Variants in TMEM181 observed in about 807,000 individuals in gnomAD.
The protein encoded by TMEM181 is G protein-coupled receptor 178.
In TMEM181, 39 loss-of-function variants were observed where a neutral mutation model predicts 71.9. That is an observed-to-expected ratio of 0.54 (90% CI 0.42 to 0.71). The LOEUF (loss-of-function observed/expected upper bound fraction) is 0.71. TMEM181 is among the 30% of genes least tolerant of loss of function. The pLI, the probability that TMEM181 is intolerant of heterozygous loss-of-function variation, is 0.00. For synonymous variants in TMEM181, 245 were observed against 228.8 expected (o/e 1.07, Z -0.64); for missense variants, 595 against 583.0 (o/e 1.02, Z -0.21).
At chr6:158,611,375 T>G (rs1436647875) in intron 10 of TMEM181, 4 of 532,982 alleles carry the variant, frequency 7.5e-6, no homozygotes, top group South Asian at 2.8e-5. Context: ...GGCATTGATT[T>G]CCCTGGATGC....
At chr6:158,577,928 T>C (rs896583953) in intron 2 of TMEM181, among the ~76,000 whole-genome samples, 2 of 152,070 alleles carry the variant, frequency 1.3e-5, no homozygotes, top group African/African-American at 4.8e-5. Flanking sequence ...CCATTTCTAC[T>C]AAAAATACAA....
At chr6:158,548,658 G>A (rs1290439122) in intron 1 of TMEM181, among the ~76,000 whole-genome samples, 1 of 152,162 alleles carries the variant, frequency 6.6e-6, no homozygotes, top group Admixed American at 6.5e-5. Context: ...GGAAATGGGT[G>A]TCTTATTGTG....
intron 10 of TMEM181, chr6:158,611,653 G>T: frequency 3.3e-6 from 1 of 300,234 alleles, no homozygotes; most frequent in South Asian, 3.1e-5. Flanking sequence ...TGAGTGCTCT[G>T]AATCAGGCAG....
chr6:158,576,781 G>A (rs546685613), intron 2 of TMEM181, among the ~76,000 whole-genome samples: 3 of 152,098 alleles, frequency 2.0e-5, no homozygotes, highest in East Asian at 3.9e-4. Flanking sequence ...GTCACAAGGC[G>A]GCCGGGCGTG....
chr6:158,568,892 G>A (rs1782656509), intron 1 of TMEM181, among the ~76,000 whole-genome samples: 2 of 152,328 alleles, frequency 1.3e-5, no homozygotes, highest in East Asian at 1.9e-4. Context: ...TTGCCCATGA[G>A]CAACAGTTTT....
chr6:158,574,685 C>CTTA (rs1439594843), intron 2 of TMEM181, among the ~76,000 whole-genome samples: 1 of 152,212 alleles, frequency 6.6e-6, no homozygotes, highest in Non-Finnish European at 1.5e-5. Flanking sequence ...ATACAGTACT[C>CTTA]TATTAGTCAG....
At chr6:158,548,131 G>A (rs1781596578) in intron 1 of TMEM181, among the ~76,000 whole-genome samples, 1 of 152,060 alleles carries the variant, frequency 6.6e-6, no homozygotes, top group African/African-American at 2.4e-5. Context: ...TTGGCCAAGG[G>A]TGACAGTGAC....
intron 4 of TMEM181, among the ~76,000 whole-genome samples, chr6:158,584,281 A>T (rs12215824): frequency 2.0e-5 from 3 of 152,032 alleles, no homozygotes; most frequent in African/African-American, 4.8e-5. Flanking sequence ...CAGTGGCTGC[A>T]TGGTGTCGGC....
In TMEM181 at chr6:158,623,596, G is replaced by C. The variant is rs188259608; in HGVS notation, c.943G>C (p.Gly315Arg). The C allele has an allele frequency of 1.3e-6, 2 of 1,579,790 alleles. No individual in the cohort carries two copies. The highest frequency in any genetic ancestry group is 1.7e-6 in the Non-Finnish European group (2 of 1,159,920). The change falls in exon 11 of 17, where the codon GGA (glycine) becomes CGA (arginine). Residue 315 changes from glycine (G) to arginine (R), a missense_variant. Physicochemically the swap from Gly to Arg is moderately radical, Grantham distance 125 (BLOSUM62 -2). Transcript: ENST00000684151. ...AATGTACCAGTATCGAGTTGATACC[G>C]GAAATTTTCAGGTAAGGATTGTTAA... Reference protein sequence around the residue: ...DPMYQYRVDTGNFQGMKVFFM... With the variant: ...DPMYQYRVDTRNFQGMKVFFM...
chr6:158,544,232 A>G (rs1013273483), intron 1 of TMEM181, among the ~76,000 whole-genome samples: 1 of 125,820 alleles, frequency 7.9e-6, no homozygotes, highest in Non-Finnish European at 1.7e-5. Flanking sequence ...GGTGAGGGAG[A>G]GTATGCAATG....
chr6:158,623,686 G>C, intron 11 of TMEM181, 79 bp downstream of exon 11: 1 of 1,057,740 alleles, frequency 9.5e-7, no homozygotes, highest in East Asian at 2.5e-5. Flanking sequence ...GACTTAAATT[G>C]TTCTGTTGAG....
chr6:158,588,947 G>T (rs1783940016), intron 5 of TMEM181, among the ~76,000 whole-genome samples: 4 of 152,214 alleles, frequency 2.6e-5, no homozygotes, highest in Admixed American at 2.6e-4. Context: ...TGCTGGGGAG[G>T]AGTGGCTGGC....
intron 1 of TMEM181, among the ~76,000 whole-genome samples, chr6:158,551,569 T>C (rs1452796104): frequency 1.3e-5 from 2 of 152,178 alleles, no homozygotes; most frequent in Non-Finnish European, 1.5e-5. Context: ...GAAATGTAGT[T>C]ATTTCTATTA....
At chr6:158,604,931 T>A (rs1784861298) in intron 6 of TMEM181, among the ~76,000 whole-genome samples, 1 of 152,134 alleles carries the variant, frequency 6.6e-6, no homozygotes. Flanking sequence ...GTACTAAATG[T>A]TAAAATTTTG....
At chr6:158,564,391 T>A (rs570737085) in intron 1 of TMEM181, among the ~76,000 whole-genome samples, 1 of 152,252 alleles carries the variant, frequency 6.6e-6, no homozygotes, top group Non-Finnish European at 1.5e-5. Context: ...ACCTGTGAAA[T>A]GGGCCGATGT....
At chr6:158,600,314 C>T (rs1784598385) in intron 6 of TMEM181, among the ~76,000 whole-genome samples, 1 of 151,852 alleles carries the variant, frequency 6.6e-6, no homozygotes, top group Admixed American at 6.6e-5. Context: ...ACATGCGCCA[C>T]CACGTCTCTG....
In TMEM181 at chr6:158,585,431, T is replaced by C; in HGVS notation, c.381+6T>C. The C allele has an allele frequency of 6.3e-7, 1 of 1,578,564 alleles. No homozygotes were observed. Among genetic ancestry groups the C allele is most frequent in the Non-Finnish European group, 8.6e-7 (1 of 1,165,796 alleles). The stretch of plus-strand genomic sequence containing the variant: ...GGACCCTCACATGTGCAGGGGTGAG[T>C]GTGTGGGGTGAGCCCCACAGTCAGT... On this transcript the variant is annotated splice_donor_region_variant and intron_variant, in intron 5 of 16. Transcript: ENST00000684151.
At chr6:158,547,088 C>A (rs982044596) in intron 1 of TMEM181, among the ~76,000 whole-genome samples, 27 of 152,208 alleles carry the variant, frequency 1.8e-4, no homozygotes, top group South Asian at 2.1e-4. Flanking sequence ...TCAAGACCAG[C>A]CTGGCCAACA....
Position 158,569,863 on chromosome 6 carries a change from G to T in TMEM181, c.9-3557G>T, listed in dbSNP as rs114603841. Among the ~76,000 whole-genome samples the T allele has an allele frequency of 5.9e-3, 891 of 152,244 alleles. 13 individuals are homozygous for T. The highest frequency in any genetic ancestry group is 0.02 in the African/African-American group (849 of 41,556). ...TGATCTGCCTGCCTCGGCCTCCCAT[G>T]CCCTTTCTGGGATTGCAGGCGTGAG... On this transcript the variant is annotated intron_variant, in intron 1 of 16. Transcript: ENST00000684151.
Sources: allele counts gnomAD v4.1 joint callset (sites outside exome capture counted in the v4.1 genomes callset), GRCh38; gene constraint gnomAD v4.1.1; transcripts MANE v1.5; gene names NCBI Gene and HGNC (gene_info 2026-07-23, HGNC 2026-07-21).